HDAC9: variants seen among roughly 807,000 people sequenced by gnomAD.
HDAC9 encodes histone deacetylase 9.
HDAC9 carries 41 observed loss-of-function variants against 139.4 expected under a neutral mutation model. That is an observed-to-expected ratio of 0.29 (90% CI 0.23 to 0.38). The LOEUF is 0.38. HDAC9 is among the 10% of genes least tolerant of loss of function. The probability of loss-of-function intolerance (pLI) is 1.00; values close to 1 mark genes in which losing one functional copy is unlikely to be tolerated. For missense variants in HDAC9, 1,147 were observed against 1,297.0 expected (o/e 0.88, Z 1.78); for synonymous variants, 517 against 476.2 (o/e 1.09, Z -1.12).
intron 1 of HDAC9, among the ~76,000 whole-genome samples, chr7:18,296,617 A>G (rs1453643025): frequency 6.6e-6 from 1 of 152,146 alleles, no homozygotes; most frequent in African/African-American, 2.4e-5. Context: ...TGTATCCCCA[A>G]ACGAAGTATG....
upstream of HDAC9, chr7:18,086,859 C>G (rs537480211): frequency 6.7e-6 from 1 of 148,262 alleles, no homozygotes; most frequent in African/African-American, 2.4e-5. Flanking sequence ...CCGCTCAGCT[C>G]GCAGCTCGCA....
chr7:18,852,738 G>T (rs1456917525), intron 21 of HDAC9, among the ~76,000 whole-genome samples: 1 of 152,028 alleles, frequency 6.6e-6, no homozygotes, highest in Non-Finnish European at 1.5e-5. Context: ...CAAAGGTGGG[G>T]GATTTCTTAG....
chr7:18,819,877 T>C (rs965726529), intron 17 of HDAC9, among the ~76,000 whole-genome samples: 5 of 152,190 alleles, frequency 3.3e-5, no homozygotes, highest in Non-Finnish European at 5.9e-5. Context: ...CACAGAAAGG[T>C]ACTATAGGAT....
At chr7:18,674,291 A>G (rs1243196023) in intron 12 of HDAC9, among the ~76,000 whole-genome samples, 1 of 152,054 alleles carries the variant, frequency 6.6e-6, no homozygotes, top group African/African-American at 2.4e-5. Flanking sequence ...TTACTGTAAA[A>G]TGACAATACC....
intron 2 of HDAC9, among the ~76,000 whole-genome samples, chr7:18,217,976 C>T (rs117956351): frequency 0.011 from 1,645 of 152,168 alleles, 12 homozygotes; most frequent in Non-Finnish European, 0.014. Flanking sequence ...GGCTGGAGGA[C>T]CCATTTCAAA....
intron 14 of HDAC9, among the ~76,000 whole-genome samples, chr7:18,750,041 A>C (rs1788309071): frequency 6.6e-6 from 1 of 152,208 alleles, no homozygotes; most frequent in African/African-American, 2.4e-5. Flanking sequence ...TTCCTATTCA[A>C]ATTCAACTTA....
intron 17 of HDAC9, among the ~76,000 whole-genome samples, chr7:18,795,124 C>G (rs1208009675): frequency 6.6e-6 from 1 of 151,848 alleles, no homozygotes; most frequent in Admixed American, 6.6e-5. Flanking sequence ...GTCAACAACA[C>G]ATAGTATGGG....
At position 18,264,811 on chromosome 7, in the gene HDAC9, C is replaced by A. The variant is rs539095749; in HGVS notation, c.25+102462C>A. ...GGTTTAAATTGATGGTTCAGTTAGACAAAATCTTAACTTACAAGGAAAAGT... is the reference window on the plus strand; with the variant it reads ...GGTTTAAATTGATGGTTCAGTTAGAAAAAATCTTAACTTACAAGGAAAAGT... On this transcript the variant is annotated intron_variant, in intron 2 of 12. Coordinates refer to the HDAC9 transcript ENST00000417496. Among the ~76,000 whole-genome samples, 6 of 152,252 alleles carry A rather than the reference C, an allele frequency of 3.9e-5. No individual in the cohort carries two copies. In the East Asian group the frequency reaches 1.2e-3, roughly 29 times the overall value.
intron 1 of HDAC9, among the ~76,000 whole-genome samples, chr7:18,456,253 T>C (rs977637519): frequency 5.9e-5 from 9 of 152,194 alleles, no homozygotes; most frequent in Non-Finnish European, 1.3e-4. Flanking sequence ...GTTGATTTTT[T>C]TGAGATAGAG....
chr7:18,952,135 G>A (rs56891332), intron 23 of HDAC9, among the ~76,000 whole-genome samples: 6,049 of 151,970 alleles, frequency 0.04, 162 homozygotes, highest in Middle Eastern at 0.088. Context: ...GCAGGGAAAT[G>A]GTTTGGGAGG....
At chr7:18,129,511 T>C (rs1784877275) in intron 1 of HDAC9, among the ~76,000 whole-genome samples, 1 of 152,172 alleles carries the variant, frequency 6.6e-6, no homozygotes, top group Non-Finnish European at 1.5e-5. Flanking sequence ...ATTTAACTAA[T>C]TTTTATTTTA....
At chr7:18,669,055 TA>T (rs1440892064) in intron 12 of HDAC9, among the ~76,000 whole-genome samples, 1 of 151,662 alleles carries the variant, frequency 6.6e-6, no homozygotes. Flanking sequence ...TTCAAATAGC[TA>T]ACACATGTAA....
intron 2 of HDAC9, among the ~76,000 whole-genome samples, chr7:18,200,614 T>C (rs973833969): frequency 6.6e-6 from 1 of 152,174 alleles, no homozygotes; most frequent in Non-Finnish European, 1.5e-5. Context: ...TGGGACTTTA[T>C]TGGGGTTTGG....
intron 16 of HDAC9, among the ~76,000 whole-genome samples, chr7:18,783,932 C>A (rs896097912): frequency 6.6e-6 from 1 of 151,972 alleles, no homozygotes; most frequent in Non-Finnish European, 1.5e-5. Context: ...AACTGTGTAG[C>A]CATTGTCCTT....
chr7:18,299,220 ATT>A (rs11438085), intron 1 of HDAC9, among the ~76,000 whole-genome samples: 3,013 of 138,882 alleles, frequency 0.022, 89 homozygotes, highest in African/African-American at 0.074. Flanking sequence ...AACTCTTAAG[ATT>A]TTTTTTTTTT....
chr7:18,900,022 T>TA (rs958027701), intron 22 of HDAC9, among the ~76,000 whole-genome samples: 35 of 151,088 alleles, frequency 2.3e-4, no homozygotes, highest in South Asian at 1.0e-3. Flanking sequence ...TTCTCTAATT[T>TA]AAAAAAAAAT....
chr7:18,252,523 T>C (rs1481707277), intron 2 of HDAC9, among the ~76,000 whole-genome samples: 1 of 152,150 alleles, frequency 6.6e-6, no homozygotes, highest in African/African-American at 2.4e-5. Flanking sequence ...TTCAGAAATA[T>C]CAAAATTAGG....
chr7:19,001,423 T>A lies in HDAC9; in HGVS notation c.*5361T>A. The A allele has an allele frequency of 6.6e-6, 1 of 152,214 alleles. No individual in the cohort carries two copies. Among genetic ancestry groups the A allele is most frequent in the East Asian group, 1.9e-4 (1 of 5,184 alleles). The allele number at this position is 152,214 out of a possible 1,614,324, so 9.4% of individuals were successfully genotyped here. A position where few individuals can be genotyped will look rare whatever the true frequency, so the allele number is the denominator to read the frequency against. On this transcript the variant is annotated 3_prime_UTR_variant, in exon 26 of 26. Transcript: ENST00000686413. Reference sequence around the variant, plus strand: ...ACTGTTTCCTGGGACATTGTGGTCATGTCCTTAATCCTTCATTGTGATGCC... The same window carrying A: ...ACTGTTTCCTGGGACATTGTGGTCAAGTCCTTAATCCTTCATTGTGATGCC...
rs531322834 is a variant in HDAC9 at position 18,938,209 on chromosome 7, C to T, written c.2937+2267C>T. Among the ~76,000 whole-genome samples, 325 of 122,434 alleles carry T rather than the reference C, an allele frequency of 2.7e-3. 2 individuals are homozygous for T. Among genetic ancestry groups the T allele is most frequent in the African/African-American group, 9.6e-3 (301 of 31,302 alleles). The allele number at this position is 122,434 out of a possible 152,430, so 80.3% of individuals were successfully genotyped here. A position where few individuals can be genotyped will look rare whatever the true frequency, so the allele number is the denominator to read the frequency against. ...TCCCGCCACTGCACTCCAGCCTGGG[C>T]GACAGAGCGAGACTCCGTCTCAAAA... is the stretch of plus-strand genomic sequence containing the variant. On this transcript the variant is annotated intron_variant, in intron 23 of 25. Transcript: ENST00000686413.
Sources: allele counts gnomAD v4.1 joint callset (sites outside exome capture counted in the v4.1 genomes callset), GRCh38; gene constraint gnomAD v4.1.1; transcripts MANE v1.5; gene names NCBI Gene and HGNC (gene_info 2026-07-23, HGNC 2026-07-21).